Variants in LRP1B observed in about 807,000 individuals in gnomAD.
The protein encoded by LRP1B is low-density lipoprotein receptor-related protein 1B.
LRP1B carries 217 observed loss-of-function variants against 556.6 expected under a neutral mutation model. The ratio of observed to expected loss-of-function variants is 0.39; its 90% CI spans 0.35 to 0.44. LRP1B has a LOEUF of 0.44. LRP1B is among the 20% of genes least tolerant of loss of function. The pLI, the probability that LRP1B is intolerant of heterozygous loss-of-function variation, is 1.00. For synonymous variants in LRP1B, 2,047 were observed against 1,865.8 expected (o/e 1.10, Z -2.50); for missense variants, 5,053 against 5,620.8 (o/e 0.90, Z 3.23).
At chr2:140,324,674 A>ATAGAATAATTATTCTAACTTT (rs1680362060) in intron 80 of LRP1B, among the ~76,000 whole-genome samples, 1 of 152,106 alleles carries the variant, frequency 6.6e-6, no homozygotes. Context: ...CAGAGATTTT[A>ATAGAATAATTATTCTAACTTT]TAGAATAATT....
At chr2:141,890,231 G>A (rs1197694731) in intron 1 of LRP1B, among the ~76,000 whole-genome samples, 2 of 150,334 alleles carry the variant, frequency 1.3e-5, no homozygotes, top group Non-Finnish European at 3.0e-5. Flanking sequence ...CCACTGCTCT[G>A]CAAGCTCCCA....
intron 1 of LRP1B, among the ~76,000 whole-genome samples, chr2:142,034,262 G>A (rs1320519533): frequency 6.6e-6 from 1 of 151,658 alleles, no homozygotes; most frequent in Non-Finnish European, 1.5e-5. Flanking sequence ...AATATGATCA[G>A]ATATATTTTA....
chr2:140,292,610 CTG>C (rs1353083936), intron 84 of LRP1B, among the ~76,000 whole-genome samples: 8 of 152,126 alleles, frequency 5.3e-5, no homozygotes, highest in Non-Finnish European at 1.0e-4. Flanking sequence ...AGGCTAAACT[CTG>C]TGGTCTTTCT....
chr2:142,022,243 A>C (rs768250603), intron 1 of LRP1B, among the ~76,000 whole-genome samples: 12 of 152,092 alleles, frequency 7.9e-5, no homozygotes, highest in Non-Finnish European at 1.8e-4. Flanking sequence ...ATAATGGAAA[A>C]ACAGACTTTA....
chr2:140,680,395 T>C (rs184613168), intron 41 of LRP1B, among the ~76,000 whole-genome samples: 37 of 152,262 alleles, frequency 2.4e-4, no homozygotes, highest in Non-Finnish European at 2.9e-4. Context: ...GTTATTGGAC[T>C]TTGAGAAAAA....
rs572546441 is a variant in LRP1B at position 140,509,063 on chromosome 2, C to A, written c.8398+865G>T. Among the ~76,000 whole-genome samples, 7 of 79,638 alleles carry A rather than the reference C, an allele frequency of 8.8e-5. No individual in the cohort carries two copies. In the East Asian group the frequency reaches 2.7e-3, roughly 30 times the overall value. 52.2% of individuals were successfully genotyped at this position (79,638 alleles called of 152,430 possible). ...ACTATTCCTCACGTACATACCCCTG[C>A]ACACACACACACACACACAAACACA... On this transcript the variant is annotated intron_variant, in intron 52 of 90. Transcript: ENST00000389484.
intron 35 of LRP1B, among the ~76,000 whole-genome samples, chr2:140,717,408 A>G (rs1375905762): frequency 6.6e-6 from 1 of 152,126 alleles, no homozygotes; most frequent in Non-Finnish European, 1.5e-5. Context: ...TGTCAACTAC[A>G]AGACCCTTAC....
intron 1 of LRP1B, among the ~76,000 whole-genome samples, chr2:141,994,778 G>A (rs190284088): frequency 2.0e-5 from 3 of 152,122 alleles, no homozygotes; most frequent in Non-Finnish European, 2.9e-5. Flanking sequence ...CTCTTCTATA[G>A]TTCTGTCCAC....
At chr2:140,479,537 T>C (rs1688135388) in intron 59 of LRP1B, among the ~76,000 whole-genome samples, 1 of 152,176 alleles carries the variant, frequency 6.6e-6, no homozygotes, top group Non-Finnish European at 1.5e-5. Context: ...AGAATGTCTT[T>C]TATAGTTGAA....
At chr2:141,424,891 A>G (rs978810935) in intron 3 of LRP1B, among the ~76,000 whole-genome samples, 16 of 152,162 alleles carry the variant, frequency 1.1e-4, no homozygotes, top group African/African-American at 3.1e-4. Context: ...AATCAAAGGA[A>G]TGCAAAATTG....
intron 20 of LRP1B, among the ~76,000 whole-genome samples, chr2:140,937,492 T>G (rs1328908190): frequency 6.6e-6 from 1 of 152,094 alleles, no homozygotes; most frequent in African/African-American, 2.4e-5. Flanking sequence ...GTTACAGTTT[T>G]GCGAGATGAC....
chr2:142,038,889 T>G (rs531205364), intron 1 of LRP1B, among the ~76,000 whole-genome samples: 4 of 151,734 alleles, frequency 2.6e-5, no homozygotes, highest in Admixed American at 1.3e-4. Context: ...GTAGTGGCCT[T>G]GTTGCTAAAA....
intron 3 of LRP1B, among the ~76,000 whole-genome samples, chr2:141,377,163 T>A (rs1689468150): frequency 6.6e-6 from 1 of 152,130 alleles, no homozygotes; most frequent in Admixed American, 6.6e-5. Context: ...TTTCATGGAG[T>A]TTACATTCTA....
At chr2:140,751,795 C>T (rs539391086) in intron 35 of LRP1B, among the ~76,000 whole-genome samples, 1 of 152,140 alleles carries the variant, frequency 6.6e-6, no homozygotes, top group South Asian at 2.1e-4. Context: ...AACCAAGCTG[C>T]CCTGATTCTT....
At chr2:141,810,455 A>G in intron 1 of LRP1B, 54 bp from the exon 2 acceptor site, 3 of 1,581,388 alleles carry the variant, frequency 1.9e-6, no homozygotes, top group Non-Finnish European at 2.6e-6. Flanking sequence ...CATGGGCAGA[A>G]CGAGCAGTAC....
At chr2:141,896,863 G>A (rs1699468162) in intron 1 of LRP1B, among the ~76,000 whole-genome samples, 1 of 152,078 alleles carries the variant, frequency 6.6e-6, no homozygotes, top group Non-Finnish European at 1.5e-5. Flanking sequence ...GCCCCACATT[G>A]GTATCTCAGG....
chr2:141,203,487 A>G (rs754854846), intron 6 of LRP1B, among the ~76,000 whole-genome samples: 1 of 152,202 alleles, frequency 6.6e-6, no homozygotes, highest in Non-Finnish European at 1.5e-5. Context: ...AGAGCTAACT[A>G]TCCTAAATAT....
chr2:140,487,670 G>T lies in LRP1B; in HGVS notation c.9190C>A (p.Arg3064=), dbSNP rs1274684737. The change falls in exon 58 of 91, where the codon CGA becomes AGA. Residue 3064 remains arginine (R), a synonymous_variant. Transcript: ENST00000389484. Reference sequence around the variant, plus strand: ...CTATTTATGCGACTGCCATTGGGTCGGCTAGAATCGATCCAATAGATGAAT... The same window carrying T: ...CTATTTATGCGACTGCCATTGGGTCTGCTAGAATCGATCCAATAGATGAAT... The part of the protein sequence containing the change: ...EEFIYWIDSS[R]PNGSRINRMC... 6.2e-7 allele frequency: 1 copy of T among 1,604,596 alleles called. No homozygotes were observed. Among genetic ancestry groups the T allele is most frequent in the East Asian group, 2.3e-5 (1 of 44,434 alleles).
At chr2:140,311,314 G>A (rs560409915) in intron 83 of LRP1B, among the ~76,000 whole-genome samples, 2 of 151,870 alleles carry the variant, frequency 1.3e-5, no homozygotes, top group South Asian at 2.1e-4. Context: ...TAAAGAAAAC[G>A]TGGCATACAC....
Sources: allele counts gnomAD v4.1 joint callset (sites outside exome capture counted in the v4.1 genomes callset), GRCh38; gene constraint gnomAD v4.1.1; transcripts MANE v1.5; gene names NCBI Gene and HGNC (gene_info 2026-07-23, HGNC 2026-07-21).